Variants in ZNF584 observed in about 807,000 individuals in gnomAD.
ZNF584 encodes zinc finger protein 584.
In ZNF584, 12 loss-of-function variants were observed where a neutral mutation model predicts 14.7. That is an observed-to-expected ratio of 0.82 (90% CI 0.52 to 1.32). The LOEUF (loss-of-function observed/expected upper bound fraction) is 1.32. Among genes scored for constraint, ZNF584 ranks in the 40% most tolerant of loss-of-function variants. The pLI, the probability that ZNF584 is intolerant of heterozygous loss-of-function variation, is 0.00. For missense variants in ZNF584, 478 were observed against 518.8 expected (o/e 0.92, Z 0.76); for synonymous variants, 204 against 190.9 (o/e 1.07, Z -0.57).
chr19:58,412,610 G>A (rs1381765456), intron 2 of ZNF584, among the ~76,000 whole-genome samples: 1 of 152,182 alleles, frequency 6.6e-6, no homozygotes, highest in Non-Finnish European at 1.5e-5. Flanking sequence ...AGCCAGTGGT[G>A]TAGTTTTCTT....
chr19:58,408,030 C>G (rs1160845917), upstream of ZNF584: 1 of 152,262 alleles, frequency 6.6e-6, no homozygotes, highest in Non-Finnish European at 1.5e-5. Context: ...GCGCCGAAAA[C>G]CCAACACAAC....
In ZNF584 at chr19:58,415,664, G is replaced by GA. The variant is rs2052633207; in HGVS notation, c.292+20dup. ...TGGTCTTGGTAAGTGGAGTGGAGGG[G>GA]AATACCTTGGTTTCAGCAGTGGGCT... On this transcript the variant is annotated intron_variant, in intron 3 of 3. Coordinates refer to ENST00000306910, the MANE Select transcript of ZNF584 (RefSeq NM_173548.3). 1 of 1,612,276 alleles carries GA rather than the reference G, an allele frequency of 6.2e-7. No homozygotes were observed. The highest frequency in any genetic ancestry group is 8.5e-7 in the Non-Finnish European group (1 of 1,178,848).
chr19:58,409,870 A>G (rs546296737), intron 1 of ZNF584, 71 bp from the exon 2 acceptor site: 18 of 1,587,452 alleles, frequency 1.1e-5, no homozygotes, highest in Non-Finnish European at 1.5e-5. Context: ...CCTGAGATAC[A>G]GGTCAAGGGC....
intron 2 of ZNF584, 150 bp from the exon 3 acceptor site, chr19:58,415,374 T>A: frequency 1.3e-6 from 1 of 745,392 alleles, no homozygotes; most frequent in Non-Finnish European, 2.1e-6. Flanking sequence ...AATAATATAT[T>A]TTTTGTAGAG....
At chr19:58,416,741 C>A (rs928766508) in intron 3 of ZNF584, 70 bp from the exon 4 acceptor site, 33 of 1,504,808 alleles carry the variant, frequency 2.2e-5, no homozygotes, top group Non-Finnish European at 2.7e-5. Context: ...GTGTGTCTGA[C>A]ATGCACTGGT....
chr19:58,402,368 TC>T (rs1210630898), intron 1 of ZNF584, among the ~76,000 whole-genome samples: 1 of 152,094 alleles, frequency 6.6e-6, no homozygotes, highest in Non-Finnish European at 1.5e-5. Flanking sequence ...GTGATCTGTG[TC>T]CCCCCACCAG....
rs866185612 is a variant in ZNF584 at position 58,410,593 on chromosome 19, G to A, written c.169+502G>A. Among the ~76,000 whole-genome samples, 25 of 32,854 alleles carry A rather than the reference G, an allele frequency of 7.6e-4. 1 individual carries two copies. Among genetic ancestry groups the A allele is most frequent in the African/African-American group, 5.0e-3 (16 of 3,198 alleles). The allele number at this position is 32,854 out of a possible 152,430, so 21.6% of individuals were successfully genotyped here. ...TATATGTATATATATGTATATATATGTATATATATGTATATATATGTGTAT... is the reference window on the plus strand; with the variant it reads ...TATATGTATATATATGTATATATATATATATATATGTATATATATGTGTAT... On this transcript the variant is annotated intron_variant, in intron 2 of 3. Coordinates refer to ENST00000306910, the MANE Select transcript of ZNF584 (RefSeq NM_173548.3).
At chr19:58,416,616 G>A (rs1327988691) in intron 3 of ZNF584, 195 bp from the exon 4 acceptor site, 6 of 497,954 alleles carry the variant, frequency 1.2e-5, no homozygotes, top group Middle Eastern at 5.4e-4. Context: ...TGGTCAGGCT[G>A]GTCTCGAACT....
intron 2 of ZNF584, among the ~76,000 whole-genome samples, chr19:58,412,295 C>T (rs1196086863): frequency 3.4e-5 from 5 of 149,042 alleles, no homozygotes; most frequent in South Asian, 4.2e-4. Context: ...CTGCAAGCTC[C>T]GCTTCCCGGG....
intron 2 of ZNF584, among the ~76,000 whole-genome samples, chr19:58,410,539 A>AATTTTTTTTTT: frequency 1.0e-4 from 4 of 38,698 alleles, no homozygotes; most frequent in Middle Eastern, 8.3e-3. Flanking sequence ...ATATATATAT[A>AATTTTTTTTTT]TATATATATA....
At chr19:58,409,793 G>A (rs1182466626) in intron 1 of ZNF584, 148 bp from the exon 2 acceptor site, 4 of 890,486 alleles carry the variant, frequency 4.5e-6, no homozygotes, top group South Asian at 1.5e-5. Flanking sequence ...GTATGTGTAG[G>A]GAGTAAGGTG....
rs2052667369 is a variant in ZNF584 at position 58,417,890 on chromosome 19, C to G, written c.*106C>G. 7.2e-7 allele frequency: 1 copy of G among 1,395,486 alleles called. No homozygotes were observed. 86.4% of individuals were successfully genotyped at this position (1,395,486 alleles called of 1,614,324 possible). A position where few individuals can be genotyped will look rare whatever the true frequency, so the allele number is the denominator to read the frequency against. On this transcript the variant is annotated 3_prime_UTR_variant, in exon 4 of 4. Transcript: ENST00000306910. ...AAACCTTGCACATCCCAACACCCAC[C>G]CCAGGGAGAGTTCCCGTGTGTGCCT...
Position 58,410,824 on chromosome 19 carries a change from C to T in ZNF584, c.169+733C>T, listed in dbSNP as rs189609212. ...TTTTTTTTTTTGAGACAGAGCCTCA[C>T]TCTGTTGCCCAGGCTGGAGTGCAGT... is the stretch of plus-strand genomic sequence containing the variant. On this transcript the variant is annotated intron_variant, in intron 2 of 3. Transcript: ENST00000306910. Among the ~76,000 whole-genome samples the T allele has an allele frequency of 7.4e-3, 757 of 102,580 alleles. 13 individuals are homozygous for T. The highest frequency in any genetic ancestry group is 0.029 in the African/African-American group (733 of 25,332). 67.3% of individuals were successfully genotyped at this position (102,580 alleles called of 152,430 possible).
upstream of ZNF584, chr19:58,406,343 GC>G (rs1469371585): frequency 0.49 from 29,817 of 60,770 alleles, 5,966 homozygotes; most frequent in African/African-American, 0.63. Context: ...CGTGGAAAGA[GC>G]GGGGGGGGGG....
intron 2 of ZNF584, among the ~76,000 whole-genome samples, chr19:58,412,197 G>GCCTTT (rs1225346355): frequency 2.3e-4 from 23 of 97,970 alleles, no homozygotes; most frequent in African/African-American, 1.3e-3. Flanking sequence ...GGCCAGGGTG[G>GCCTTT]TCTTTTTTTT....
chr19:58,402,217 C>G (rs2052436102), intron 1 of ZNF584, among the ~76,000 whole-genome samples: 1 of 152,160 alleles, frequency 6.6e-6, no homozygotes, highest in South Asian at 2.1e-4. Context: ...AGAGTTCGCA[C>G]TGGCTCCCCT....
rs530886534 is a variant in ZNF584 at position 58,417,572 on chromosome 19, C to T, written c.1054C>T (p.Arg352Trp). The T allele has an allele frequency of 4.3e-6, 7 of 1,614,170 alleles. No homozygotes were observed. Among genetic ancestry groups the T allele is most frequent in the Admixed American group, 3.3e-5 (2 of 60,014 alleles). Residue 352 changes from arginine (R) to tryptophan (W), a missense_variant, in exon 4 of 4, where the codon CGG (arginine) becomes TGG (tryptophan). Arg to Trp is a moderately radical substitution (Grantham distance 101). Around this residue, in one of 3 missense-constraint regions of ZNF584, gnomAD observed 283 missense variants for 317.3 expected, o/e 0.89. Coordinates refer to ENST00000306910, the MANE Select transcript of ZNF584 (RefSeq NM_173548.3). ...GCACTGGAAAGTCCACACTGGGGAA[C>T]GGCCCTATGAATGTAGCCTGTGTGG... The part of the protein sequence containing the change: ...YQHWKVHTGE[R>W]PYECSLCGKT...
chr19:58,403,368 G>T (rs1234601187), intron 1 of ZNF584, among the ~76,000 whole-genome samples: 1 of 152,136 alleles, frequency 6.6e-6, no homozygotes, highest in Non-Finnish European at 1.5e-5. Context: ...AGTTATGAAA[G>T]GCATGGAGGA....
At chr19:58,414,069 C>T (rs1288019983) in intron 2 of ZNF584, among the ~76,000 whole-genome samples, 2 of 152,106 alleles carry the variant, frequency 1.3e-5, no homozygotes, top group African/African-American at 4.8e-5. Context: ...GATCCACCTG[C>T]CTCGGCCTCC....
Sources: gnomAD v4.1 joint callset for allele counts (sites outside exome capture counted in the v4.1 genomes callset) on GRCh38, gnomAD v4.1.1 for gene constraint, gnomAD v4.1.1 regional missense constraint, MANE v1.5 for transcripts, NCBI Gene and HGNC (gene_info 2026-07-23, HGNC 2026-07-21) for gene names.